The following TTC39C variants were observed in gnomAD, a reference collection of about 807,000 sequenced individuals.
The protein encoded by TTC39C is tetratricopeptide repeat protein 39C.
In TTC39C, 33 loss-of-function variants were observed where a neutral mutation model predicts 76.3. The observed-to-expected ratio is 0.43, with a 90% CI of 0.33 to 0.58. TTC39C has a LOEUF of 0.58. Among genes scored for constraint, TTC39C ranks in the 20% least tolerant of loss-of-function variants. The probability of loss-of-function intolerance (pLI) is 0.04; values close to 1 mark genes in which losing one functional copy is unlikely to be tolerated. For missense variants in TTC39C, 595 were observed against 701.4 expected (o/e 0.85, Z 1.71); for synonymous variants, 254 against 260.6 (o/e 0.97, Z 0.24).
chr18:24,031,017 G>A (rs543730343), intron 1 of TTC39C, among the ~76,000 whole-genome samples: 83 of 151,936 alleles, frequency 5.5e-4, no homozygotes, highest in African/African-American at 2.0e-3. Context: ...TGCGATCTCG[G>A]CAACTTGCAG....
chr18:24,133,191 A>G lies in TTC39C; in HGVS notation c.*617A>G, dbSNP rs2085156167. On this transcript the variant is annotated 3_prime_UTR_variant, in exon 14 of 14. Coordinates refer to ENST00000317571, the MANE Select transcript of TTC39C (RefSeq NM_001135993.2). ...TAGAAAGCAGATCTCCTGACCACCAACTGACTTTTATTGTAAAAATAATTC... is the reference window on the plus strand; with the variant it reads ...TAGAAAGCAGATCTCCTGACCACCAGCTGACTTTTATTGTAAAAATAATTC... 1 of 152,178 alleles carries G rather than the reference A, an allele frequency of 6.6e-6. No individual in the cohort carries two copies. Among genetic ancestry groups the G allele is most frequent in the Non-Finnish European group, 1.5e-5 (1 of 68,012 alleles). The allele number at this position is 152,178 out of a possible 1,614,324, so 9.4% of individuals were successfully genotyped here.
At chr18:24,105,403 G>A (rs2084734295) in intron 6 of TTC39C, among the ~76,000 whole-genome samples, 1 of 152,178 alleles carries the variant, frequency 6.6e-6, no homozygotes, top group South Asian at 2.1e-4. Context: ...TGATCATCGG[G>A]TATTTATACA....
intron 1 of TTC39C, among the ~76,000 whole-genome samples, chr18:24,039,949 A>G (rs117023085): frequency 0.013 from 1,906 of 152,258 alleles, 20 homozygotes; most frequent in South Asian, 0.029. Context: ...AAGAGGAACA[A>G]ATTTGAAGGA....
chr18:24,057,731 G>A (rs2084034659), intron 1 of TTC39C, among the ~76,000 whole-genome samples: 1 of 152,192 alleles, frequency 6.6e-6, no homozygotes. Context: ...CTATTAACAT[G>A]GTGTATGTGT....
intron 1 of TTC39C, among the ~76,000 whole-genome samples, chr18:24,029,412 T>C (rs549455611): frequency 6.1e-4 from 93 of 152,384 alleles, no homozygotes; most frequent in African/African-American, 2.2e-3. Flanking sequence ...GATGTGTGTG[T>C]TTAATCCTCA....
At position 24,022,509 on chromosome 18, in the gene TTC39C, G is replaced by A. The variant is rs759045872; in HGVS notation, c.167+7471G>A. Reference sequence around the variant, plus strand: ...TGGGCTGCATGGCTCCAGAGTCTGGGTGTGACCATGTGCTATCTACCTCTC... The same window carrying A: ...TGGGCTGCATGGCTCCAGAGTCTGGATGTGACCATGTGCTATCTACCTCTC... On this transcript the variant is annotated intron_variant, in intron 1 of 13. Coordinates refer to ENST00000317571, the MANE Select transcript of TTC39C (RefSeq NM_001135993.2). 143 of 963,680 alleles carry A rather than the reference G, an allele frequency of 1.5e-4. 1 individual carries two copies. Among genetic ancestry groups the A allele is most frequent in the Non-Finnish European group, 1.7e-4 (140 of 810,334 alleles). 59.7% of individuals were successfully genotyped at this position (963,680 alleles called of 1,614,324 possible). A position where few individuals can be genotyped will look rare whatever the true frequency, so the allele number is the denominator to read the frequency against.
chr18:24,114,826 A>G, intron 7 of TTC39C, 179 bp downstream of exon 7: 2 of 523,740 alleles, frequency 3.8e-6, no homozygotes, highest in South Asian at 2.4e-5. Flanking sequence ...TTACGTTTTT[A>G]TAACATTTTT....
intron 1 of TTC39C, chr18:24,020,401 TA>T: frequency 1.5e-6 from 1 of 687,216 alleles, no homozygotes; most frequent in African/African-American, 1.9e-5. Context: ...TGTAAGTGTG[TA>T]CAAGTGTACA....
At position 24,130,233 on chromosome 18, in the gene TTC39C, C is replaced by T. The variant is rs139028014; in HGVS notation, c.1519-80C>T. 9.4e-4 allele frequency: 626 copies of T among 664,256 alleles called. 8 individuals carry two copies. In the African/African-American group the frequency reaches 0.011, roughly 12 times the overall value. 41.1% of individuals were successfully genotyped at this position (664,256 alleles called of 1,614,324 possible). On this transcript the variant is annotated intron_variant, in intron 11 of 13. Transcript: ENST00000317571. The stretch of plus-strand genomic sequence containing the variant: ...AAAACAGAGTATGAGTCCCCCTTCC[C>T]GCCCCCTCTTGAAGATTATAATAAG...
intron 1 of TTC39C, chr18:24,019,943 C>A: frequency 6.6e-7 from 1 of 1,508,530 alleles, no homozygotes; most frequent in Non-Finnish European, 8.8e-7. Flanking sequence ...AGTCAGCAGG[C>A]CTCTGAGCCT....
chr18:24,111,384 T>C (rs550944595), intron 6 of TTC39C, among the ~76,000 whole-genome samples: 35 of 151,928 alleles, frequency 2.3e-4, no homozygotes, highest in African/African-American at 8.2e-4. Flanking sequence ...GCCTGGTCAA[T>C]ATGGTGAAAC....
chr18:24,102,750 A>G (rs2084693840), intron 6 of TTC39C, among the ~76,000 whole-genome samples: 2 of 152,194 alleles, frequency 1.3e-5, no homozygotes, highest in African/African-American at 4.8e-5. Context: ...AGCACCCCAC[A>G]TGTTGGCCCC....
At position 24,083,066 on chromosome 18, in the gene TTC39C, G is replaced by T; in HGVS notation, c.969G>T (p.Arg323=). ...CCCTCTTTATGTTTTTCAAGGGACGGATACAACGACTAGAGGTACTGTACC... is the reference window on the plus strand; with the variant it reads ...CCCTCTTTATGTTTTTCAAGGGACGTATACAACGACTAGAGGTACTGTACC... ...NSSLFMFFKG[R]IQRLECQINS... is the part of the protein sequence containing the mutation. Residue 323 remains arginine, a synonymous_variant, in exon 6 of 14, where the codon CGG becomes CGT. Transcript: ENST00000317571. The T allele has an allele frequency of 6.2e-7, 1 of 1,613,886 alleles. No individual in the cohort carries two copies. Among genetic ancestry groups the T allele is most frequent in the Non-Finnish European group, 8.5e-7 (1 of 1,179,878 alleles).
intron 1 of TTC39C, among the ~76,000 whole-genome samples, chr18:24,027,320 A>G (rs4800532): frequency 1 from 152,083 of 152,170 alleles, 75,998 homozygotes; most frequent in Non-Finnish European, 1. Flanking sequence ...CATGCTGCAC[A>G]GCCTCTAGGA....
chr18:24,015,264 GCCGCGCGCCCGCC>G lies in TTC39C; in HGVS notation c.167+239_167+251del, dbSNP rs919087786. 40 of 413,858 alleles carry G rather than the reference GCCGCGCGCCCGCC, an allele frequency of 9.7e-5. No individual in the cohort carries two copies. The South Asian group carries it at 1.6e-3, about 17-fold the overall frequency. The allele number at this position is 413,858 out of a possible 1,614,324, so 25.6% of individuals were successfully genotyped here. On this transcript the variant is annotated intron_variant, in intron 1 of 13. Coordinates refer to ENST00000317571, the MANE Select transcript of TTC39C (RefSeq NM_001135993.2). The stretch of plus-strand genomic sequence containing the variant: ...CGTTGTCCTTTCCCTCCCGGGACCC[GCCGCGCGCCCGCC>G]CCGCGCGCCCGCAGTCCCCCTCTCA...
intron 6 of TTC39C, among the ~76,000 whole-genome samples, chr18:24,105,299 A>T (rs1349371587): frequency 2.0e-5 from 3 of 152,238 alleles, no homozygotes; most frequent in African/African-American, 7.2e-5. Flanking sequence ...TGATTGGCTA[A>T]TACTGAAAAC....
intron 7 of TTC39C, among the ~76,000 whole-genome samples, chr18:24,116,447 G>A (rs2084892482): frequency 6.6e-6 from 1 of 152,140 alleles, no homozygotes; most frequent in Non-Finnish European, 1.5e-5. Context: ...GCAGGCTGAG[G>A]CGGGCGGGAG....
intron 1 of TTC39C, among the ~76,000 whole-genome samples, chr18:24,019,179 T>C (rs2083490996): frequency 6.6e-6 from 1 of 152,126 alleles, no homozygotes; most frequent in African/African-American, 2.4e-5. Flanking sequence ...AGCTTCGCAG[T>C]TCTTATTTCT....
intron 8 of TTC39C, among the ~76,000 whole-genome samples, chr18:24,118,816 C>T (rs371979933): frequency 2.0e-5 from 3 of 151,884 alleles, no homozygotes; most frequent in African/African-American, 7.2e-5. Flanking sequence ...CCACGCCCAG[C>T]CAATTTTTTA....
Sources: allele counts gnomAD v4.1 joint callset (sites outside exome capture counted in the v4.1 genomes callset), GRCh38; gene constraint gnomAD v4.1.1; transcripts MANE v1.5; gene names NCBI Gene and HGNC (gene_info 2026-07-23, HGNC 2026-07-21).